GALNT10: variants seen among roughly 807,000 people sequenced by gnomAD.
The protein encoded by GALNT10 is GalNAc transferase 10.
A neutral mutation model predicts 75.0 loss-of-function variants in GALNT10; 41 were observed. The ratio of observed to expected loss-of-function variants is 0.55; its 90% CI spans 0.43 to 0.71. The LOEUF (loss-of-function observed/expected upper bound fraction) is 0.71. Ranked by LOEUF, GALNT10 falls within the 30% of genes least tolerant of loss-of-function variation. The pLI, the probability that GALNT10 is intolerant of heterozygous loss-of-function variation, is 0.00. For missense variants in GALNT10, 727 were observed against 818.5 expected (o/e 0.89, Z 1.36); for synonymous variants, 302 against 313.0 (o/e 0.96, Z 0.37).
At chr5:154,259,887 CT>C (rs1753677278) in intron 1 of GALNT10, among the ~76,000 whole-genome samples, 1 of 152,156 alleles carries the variant, frequency 6.6e-6, no homozygotes, top group Non-Finnish European at 1.5e-5. Context: ...TATTTAGCAC[CT>C]TTTGTATACC....
chr5:154,194,407 A>G (rs1046154798), intron 1 of GALNT10, among the ~76,000 whole-genome samples: 6 of 152,242 alleles, frequency 3.9e-5, no homozygotes, highest in African/African-American at 1.4e-4. Flanking sequence ...CAGAAGGGCT[A>G]GTATCCTTTA....
At chr5:154,378,317 TATC>T (rs111591729) in intron 5 of GALNT10, among the ~76,000 whole-genome samples, 40 of 150,986 alleles carry the variant, frequency 2.6e-4, no homozygotes, top group Middle Eastern at 3.4e-3. Context: ...TTTCCTTTTT[TATC>T]ATCATCATCA....
At chr5:154,261,370 C>T (rs1438871743) in intron 1 of GALNT10, among the ~76,000 whole-genome samples, 2 of 152,208 alleles carry the variant, frequency 1.3e-5, no homozygotes, top group Non-Finnish European at 2.9e-5. Context: ...AGCAACACCA[C>T]ATACTACTGG....
intron 1 of GALNT10, among the ~76,000 whole-genome samples, chr5:154,231,436 G>A (rs189150132): frequency 7.9e-5 from 12 of 152,274 alleles, no homozygotes; most frequent in Non-Finnish European, 1.0e-4. Flanking sequence ...AGATGACTTC[G>A]AAATTGGACA....
At chr5:154,363,274 C>A (rs761603795) in intron 4 of GALNT10, among the ~76,000 whole-genome samples, 1 of 151,910 alleles carries the variant, frequency 6.6e-6, no homozygotes, top group Admixed American at 6.6e-5. Context: ...TTACATTCTG[C>A]CATGATGGTT....
intron 3 of GALNT10, among the ~76,000 whole-genome samples, chr5:154,313,752 G>A (rs937364774): frequency 6.6e-6 from 1 of 152,164 alleles, no homozygotes; most frequent in African/African-American, 2.4e-5. Context: ...GAGAAGGGCT[G>A]GAGAGCTGAG....
Position 154,380,587 on chromosome 5 carries a change from G to A in GALNT10, c.894G>A (p.Pro298=), listed in dbSNP as rs1011961773. The change falls in exon 6 of 12, where the codon CCG becomes CCA. Residue 298 remains proline (P), a synonymous_variant. Coordinates refer to ENST00000297107, the MANE Select transcript of GALNT10 (RefSeq NM_198321.4). Reference sequence around the variant, plus strand: ...GGGAGATGTACTACAAGCGGATCCCGATCCCTCCAGAACTGCAGAAAGCTG... The same window carrying A: ...GGGAGATGTACTACAAGCGGATCCCAATCCCTCCAGAACTGCAGAAAGCTG... The part of the protein sequence containing the change: ...FDWEMYYKRI[P]IPPELQKADP... 41 of 1,613,920 alleles carry A rather than the reference G, an allele frequency of 2.5e-5. No individual in the cohort carries two copies. Among genetic ancestry groups the A allele is most frequent in the South Asian group, 3.3e-5 (3 of 91,060 alleles).
At chr5:154,347,863 C>A (rs1755152416) in intron 4 of GALNT10, among the ~76,000 whole-genome samples, 1 of 152,114 alleles carries the variant, frequency 6.6e-6, no homozygotes, top group African/African-American at 2.4e-5. Flanking sequence ...AATTTTTTCC[C>A]CTCTAAAATA....
intron 1 of GALNT10, among the ~76,000 whole-genome samples, chr5:154,269,407 T>C (rs1753827934): frequency 6.6e-6 from 1 of 152,190 alleles, no homozygotes; most frequent in Non-Finnish European, 1.5e-5. Flanking sequence ...TATTGATCCA[T>C]TTGGTATTCT....
chr5:154,199,147 T>C (rs983164441), intron 1 of GALNT10, among the ~76,000 whole-genome samples: 5 of 152,206 alleles, frequency 3.3e-5, no homozygotes, highest in African/African-American at 1.2e-4. Context: ...GCCTTAGGAA[T>C]GGTTCTTCTT....
chr5:154,291,645 CTCAA>C (rs1330960925), intron 1 of GALNT10, among the ~76,000 whole-genome samples: 1 of 152,168 alleles, frequency 6.6e-6, no homozygotes, highest in African/African-American at 2.4e-5. Flanking sequence ...TCTGAGGCCC[CTCAA>C]TCATTCAGTA....
intron 1 of GALNT10, among the ~76,000 whole-genome samples, chr5:154,255,842 C>G (rs575034682): frequency 9.3e-5 from 14 of 151,116 alleles, no homozygotes; most frequent in African/African-American, 3.4e-4. Flanking sequence ...CCTTCCCTCC[C>G]CTCCCCTCCC....
chr5:154,208,319 A>G (rs148709850), intron 1 of GALNT10, among the ~76,000 whole-genome samples: 284 of 152,248 alleles, frequency 1.9e-3, no homozygotes, highest in African/African-American at 6.5e-3. Context: ...GAGCACAGTG[A>G]AGGATTCACG....
chr5:154,369,306 T>C (rs976035017), intron 4 of GALNT10, among the ~76,000 whole-genome samples: 5 of 152,122 alleles, frequency 3.3e-5, no homozygotes, highest in African/African-American at 1.2e-4. Flanking sequence ...GAGAATCACT[T>C]GAACCCAGGA....
At chr5:154,331,329 G>A (rs1172804265) in intron 4 of GALNT10, among the ~76,000 whole-genome samples, 1 of 152,162 alleles carries the variant, frequency 6.6e-6, no homozygotes, top group African/African-American at 2.4e-5. Flanking sequence ...CGAGGCCTAT[G>A]AGCCTGCTGG....
intron 1 of GALNT10, among the ~76,000 whole-genome samples, chr5:154,265,197 TC>T (rs1753759815): frequency 6.6e-6 from 1 of 152,190 alleles, no homozygotes; most frequent in Non-Finnish European, 1.5e-5. Flanking sequence ...AGACTTTAGT[TC>T]CCTGTTCCCC....
At position 154,418,543 on chromosome 5, in the gene GALNT10, TGA is replaced by T. The variant is rs1561689857; in HGVS notation, c.*1573_*1574del. On this transcript the variant is annotated 3_prime_UTR_variant, in exon 12 of 12. Transcript: ENST00000297107. ...TTGAAATCAGCATTCCAATTAGTGT[TGA>T]GTCTCTTGATTGTGTCATTTACCAA... The T allele has an allele frequency of 6.6e-6, 1 of 152,356 alleles. No homozygotes were observed. Among genetic ancestry groups the T allele is most frequent in the South Asian group, 2.1e-4 (1 of 4,826 alleles). 9.4% of individuals were successfully genotyped at this position (152,356 alleles called of 1,614,324 possible). A position where few individuals can be genotyped will look rare whatever the true frequency, so the allele number is the denominator to read the frequency against.
At chr5:154,379,861 T>C (rs925751518) in intron 5 of GALNT10, among the ~76,000 whole-genome samples, 1 of 152,166 alleles carries the variant, frequency 6.6e-6, no homozygotes, top group Admixed American at 6.5e-5. Context: ...CCCCCATCCA[T>C]AGTTCCGATG....
chr5:154,262,588 G>A (rs142263187), intron 1 of GALNT10, among the ~76,000 whole-genome samples: 284 of 152,280 alleles, frequency 1.9e-3, no homozygotes, highest in African/African-American at 6.5e-3. Flanking sequence ...ACCTCAGTCT[G>A]ACCTGCTGTC....
Sources: gnomAD v4.1 joint callset for allele counts (sites outside exome capture counted in the v4.1 genomes callset) on GRCh38, gnomAD v4.1.1 for gene constraint, MANE v1.5 for transcripts, NCBI Gene and HGNC (gene_info 2026-07-23, HGNC 2026-07-21) for gene names.